The following ASTL variants were observed in gnomAD, a reference collection of about 807,000 sequenced individuals.
The protein encoded by ASTL is astacin-like metalloendopeptidase.
Under a neutral mutation model 36.7 loss-of-function variants are expected in ASTL, and 27 were observed. The observed-to-expected ratio is 0.73, with a 90% CI of 0.54 to 1.01. The LOEUF (loss-of-function observed/expected upper bound fraction) is 1.01. Ranked by LOEUF, ASTL falls within the 50% of genes least tolerant of loss-of-function variation. ASTL has a pLI of 0.00. For synonymous variants in ASTL, 222 were observed against 228.1 expected (o/e 0.97, Z 0.24); for missense variants, 524 against 572.8 (o/e 0.91, Z 0.87).
chr2:96,130,123 C>T lies in ASTL; in HGVS notation c.660G>A (p.Lys220=). Residue 220 remains lysine, a synonymous_variant, in exon 7 of 9, where the codon AAG becomes AAA. Coordinates refer to ENST00000342380, the MANE Select transcript of ASTL (RefSeq NM_001002036.4). Reference sequence around the variant, plus strand: ...GCGTCAGCATGTTGCTGCTCTGAGACTTGATGAAGTTGATTTCAAAGCCTA... The same window carrying T: ...GCGTCAGCATGTTGCTGCTCTGAGATTTGATGAAGTTGATTTCAAAGCCTA... ...ILPGFEINFI[K]SQSSNMLTPY... The T allele has an allele frequency of 6.2e-7, 1 of 1,613,752 alleles. No homozygotes were observed. Among genetic ancestry groups the T allele is most frequent in the Non-Finnish European group, 8.5e-7 (1 of 1,179,636 alleles).
At chr2:96,133,892 G>T (rs1682238813) in intron 4 of ASTL, 73 bp downstream of exon 4, 4 of 1,004,508 alleles carry the variant, frequency 4.0e-6, no homozygotes, top group Admixed American at 3.7e-5. Flanking sequence ...AAGAGGAAAA[G>T]GGAAGAGAGG....
rs1682334705 is a variant in ASTL at position 96,137,759 on chromosome 2, ACAG to A, written c.56-62_56-60del. On this transcript the variant is annotated intron_variant, in intron 1 of 8. Coordinates refer to ENST00000342380, the MANE Select transcript of ASTL (RefSeq NM_001002036.4). The stretch of plus-strand genomic sequence containing the variant: ...CTGGAGCACCCACCGGTGAGACCAG[ACAG>A]CAGGACATGGGGTGGGTGTGGGGGA... 4 of 1,554,400 alleles carry A rather than the reference ACAG, an allele frequency of 2.6e-6. No individual in the cohort carries two copies. The African/African-American group carries it at 4.1e-5, about 16-fold the overall frequency.
Position 96,124,330 on chromosome 2 carries a change from C to A in ASTL, c.875-59G>T. 2.1e-6 allele frequency: 3 copies of A among 1,420,932 alleles called. No homozygotes were observed. The highest frequency in any genetic ancestry group is 1.4e-5 in the African/African-American group (1 of 69,544). 88.0% of individuals were successfully genotyped at this position (1,420,932 alleles called of 1,614,324 possible). On this transcript the variant is annotated intron_variant, in intron 8 of 8. Coordinates refer to ENST00000342380, the MANE Select transcript of ASTL (RefSeq NM_001002036.4). The surrounding 1 kb of genome is among the most constrained non-coding windows in gnomAD (Gnocchi z 4.1). ...AACTGTAGGATGACATGTGGCCCAGCTGTGCGGACCCAGAGCTGGCTCAGC... is the reference window on the plus strand; with the variant it reads ...AACTGTAGGATGACATGTGGCCCAGATGTGCGGACCCAGAGCTGGCTCAGC...
chr2:96,127,112 GA>G (rs1682080364), intron 8 of ASTL, among the ~76,000 whole-genome samples: 1 of 152,196 alleles, frequency 6.6e-6, no homozygotes, highest in African/African-American at 2.4e-5. Context: ...GATGAACCTT[GA>G]AAACATTAAG....
Position 96,137,590 on chromosome 2 carries a change from G to T in ASTL, c.166C>A (p.Pro56Thr). The T allele has an allele frequency of 1.2e-6, 2 of 1,613,874 alleles. No homozygotes were observed. The highest frequency in any genetic ancestry group is 3.3e-5 in the Admixed American group (2 of 60,014). Residue 56 changes from proline to threonine, a missense_variant, in exon 2 of 9, where the codon CCT (proline) becomes ACT (threonine). By Grantham distance (38) the Pro-to-Thr change is conservative. Coordinates refer to ENST00000342380, the MANE Select transcript of ASTL (RefSeq NM_001002036.4). Reference sequence around the variant, plus strand: ...GTGCCCTCACCTTGGTTAATTGCAGGAATGTCCTTGTCCCCGGAGGCCTGG... The same window carrying T: ...GTGCCCTCACCTTGGTTAATTGCAGTAATGTCCTTGTCCCCGGAGGCCTGG... ...GTQASGDKDI[P>T]AINQGLILEE...
intron 5 of ASTL, 64 bp downstream of exon 5, chr2:96,133,354 ACAATGGC>A (rs1429276666): frequency 3.6e-6 from 4 of 1,098,216 alleles, no homozygotes; most frequent in Non-Finnish European, 5.6e-6. Flanking sequence ...TACATTTTAG[ACAATGGC>A]CAAGTTAATT....
At position 96,123,310 on chromosome 2, in the gene ASTL, G is replaced by A. The variant is rs972665314; in HGVS notation, c.*540C>T. Among the ~76,000 whole-genome samples, 1 of 152,244 alleles carries A rather than the reference G, an allele frequency of 6.6e-6. No homozygotes were observed. Among genetic ancestry groups the A allele is most frequent in the Admixed American group, 6.5e-5 (1 of 15,288 alleles). The stretch of plus-strand genomic sequence containing the variant: ...TACCACCTTCCTGCTCTGCAGGGGA[G>A]TAAGTTGGGCTCTCAAAGCCTCCTG... On this transcript the variant is annotated 3_prime_UTR_variant, in exon 9 of 9. Coordinates refer to ENST00000342380, the MANE Select transcript of ASTL (RefSeq NM_001002036.4).
Position 96,138,448 on chromosome 2 carries a change from G to A in ASTL, c.-12C>T. The A allele has an allele frequency of 6.2e-7, 1 of 1,606,878 alleles. No homozygotes were observed. Among genetic ancestry groups the A allele is most frequent in the Non-Finnish European group, 8.5e-7 (1 of 1,176,302 alleles). On this transcript the variant is annotated 5_prime_UTR_variant, in exon 1 of 9. Transcript: ENST00000342380. ...CCTACACCCTCCATGGTAGAGCCCT[G>A]CTGCCCCTTCAGCAAACAAGACCAA...
chr2:96,132,701 C>T lies in ASTL; in HGVS notation c.476G>A (p.Arg159His), dbSNP rs61735195. 25,584 of 1,611,628 alleles carry T rather than the reference C, an allele frequency of 0.016. 235 individuals are homozygous for T. Among genetic ancestry groups the T allele is most frequent in the Middle Eastern group, 0.02 (118 of 6,050 alleles). The change falls in exon 6 of 9, where the codon CGC (arginine) becomes CAC (histidine). Residue 159 changes from arginine (R) to histidine (H), a missense_variant. By Grantham distance (29) the Arg-to-His change is conservative (BLOSUM62 0). Coordinates refer to ENST00000342380, the MANE Select transcript of ASTL (RefSeq NM_001002036.4). The surrounding 1 kb of genome is among the most constrained non-coding windows in gnomAD (Gnocchi z 5.4). ...GGAGACCACCTGCATCCCTCCACTG[C>T]GCCCCACACTCGAGAAGCACCTGCA... ...PMYGCFSSVG[R>H]SGGMQVVSLA... is the part of the protein sequence containing the mutation.
chr2:96,130,831 ACTT>A (rs1320069636), intron 6 of ASTL, among the ~76,000 whole-genome samples: 1 of 152,158 alleles, frequency 6.6e-6, no homozygotes, highest in African/African-American at 2.4e-5. Flanking sequence ...TTGAGCTCTT[ACTT>A]CTTTTTAAAA....
intron 2 of ASTL, among the ~76,000 whole-genome samples, chr2:96,136,967 C>A (rs1573917509): frequency 6.6e-6 from 1 of 152,338 alleles, no homozygotes; most frequent in East Asian, 1.9e-4. Context: ...GCCTCAGCCT[C>A]CTGAGTAGCT....
At chr2:96,138,330 C>T in intron 1 of ASTL, 52 bp downstream of exon 1, 2 of 1,537,338 alleles carry the variant, frequency 1.3e-6, no homozygotes, top group East Asian at 4.7e-5. Flanking sequence ...AGCCTCTCCC[C>T]AGCTTTCTCC....
At chr2:96,125,032 C>T (rs1207822679) in intron 8 of ASTL, among the ~76,000 whole-genome samples, 1 of 152,222 alleles carries the variant, frequency 6.6e-6, no homozygotes, top group East Asian at 1.9e-4. Flanking sequence ...GGGCCACCCT[C>T]CACAGTACCG....
chr2:96,126,386 A>G (rs1007465262), intron 8 of ASTL, among the ~76,000 whole-genome samples: 3 of 152,256 alleles, frequency 2.0e-5, no homozygotes, highest in Admixed American at 2.0e-4. Flanking sequence ...ATGACCAACA[A>G]GCACATTAAA....
chr2:96,134,868 G>A (rs1284316955), intron 3 of ASTL, among the ~76,000 whole-genome samples: 12 of 152,284 alleles, frequency 7.9e-5, no homozygotes, highest in East Asian at 5.8e-4. Flanking sequence ...TTAGCAAGGC[G>A]CCCCAATCCC....
In ASTL at chr2:96,129,930, G is replaced by A; in HGVS notation, c.768C>T (p.Ala256=). 1 of 1,606,094 alleles carries A rather than the reference G, an allele frequency of 6.2e-7. No homozygotes were observed. The highest frequency in any genetic ancestry group is 8.5e-7 in the Non-Finnish European group (1 of 1,174,108). Residue 256 remains alanine (A), a synonymous_variant, in exon 8 of 9, where the codon GCC becomes GCT. Coordinates refer to ENST00000342380, the MANE Select transcript of ASTL (RefSeq NM_001002036.4). ...ATCGCTGGCCGATGTGGACACTGGG[G>A]GCCCAAAGTGGTGTGATGGTGGGCA... ...RGLPTITPLW[A]PSVHIGQRWN...
rs942174891 is a variant in ASTL at position 96,124,336 on chromosome 2, G to A, written c.875-65C>T. On this transcript the variant is annotated intron_variant, in intron 8 of 8. Transcript: ENST00000342380. This position sits in a 1 kb window ranked among gnomAD's most constrained non-coding sequence, Gnocchi z 4.1. ...AGGATGACATGTGGCCCAGCTGTGCGGACCCAGAGCTGGCTCAGCTCACAG... is the reference window on the plus strand; with the variant it reads ...AGGATGACATGTGGCCCAGCTGTGCAGACCCAGAGCTGGCTCAGCTCACAG... 27 of 1,403,004 alleles carry A rather than the reference G, an allele frequency of 1.9e-5. No individual in the cohort carries two copies. Among genetic ancestry groups the A allele is most frequent in the African/African-American group, 4.4e-5 (3 of 68,946 alleles). The allele number at this position is 1,403,004 out of a possible 1,614,324, so 86.9% of individuals were successfully genotyped here.
chr2:96,125,855 A>G (rs1682053344), intron 8 of ASTL, among the ~76,000 whole-genome samples: 1 of 151,922 alleles, frequency 6.6e-6, no homozygotes, highest in Non-Finnish European at 1.5e-5. Context: ...GGTGCACAAG[A>G]CTCCATCTCA....
chr2:96,132,435 G>A lies in ASTL; in HGVS notation c.637+105C>T, dbSNP rs553274942. ...CCTTCCCCACAGGAAGCAGGCAGGT[G>A]ATGGGGAGGATGGATAGCCTCACCC... On this transcript the variant is annotated intron_variant, in intron 6 of 8. Transcript: ENST00000342380. This position sits in a 1 kb window ranked among gnomAD's most constrained non-coding sequence, Gnocchi z 5.4. 52 of 1,013,934 alleles carry A rather than the reference G, an allele frequency of 5.1e-5. No homozygotes were observed. The African/African-American group carries it at 7.7e-4, about 15-fold the overall frequency. The allele number at this position is 1,013,934 out of a possible 1,614,324, so 62.8% of individuals were successfully genotyped here.
Sources: allele counts gnomAD v4.1 joint callset (sites outside exome capture counted in the v4.1 genomes callset), GRCh38; gene constraint gnomAD v4.1.1; non-coding constraint Gnocchi (gnomAD v3.1); transcripts MANE v1.5; gene names NCBI Gene and HGNC (gene_info 2026-07-23, HGNC 2026-07-21).